The following MORN3 variants were observed in gnomAD, a reference collection of about 807,000 sequenced individuals.
MORN3 encodes MORN repeat containing 3, also known as MORN repeat-containing protein 3.
In MORN3, 38 loss-of-function variants were observed where a neutral mutation model predicts 34.7. The observed-to-expected ratio is 1.10, with a 90% CI of 0.85 to 1.44. The LOEUF (loss-of-function observed/expected upper bound fraction) is 1.44, where lower values mean the gene tolerates loss of function less well. Ranked by LOEUF, MORN3 falls within the 40% of genes most tolerant of loss-of-function variation. The pLI is 0.00. For missense variants in MORN3, 311 were observed against 321.7 expected, an observed-to-expected ratio of 0.97 and a Z score of 0.25; for synonymous variants, 109 against 115.3, an observed-to-expected ratio of 0.95 and a Z score of 0.35.
intron 5 of MORN3, among the ~76,000 whole-genome samples, chr12:121,652,449 G>T (rs1335803182): frequency 6.6e-6 from 1 of 152,040 alleles, no homozygotes; most frequent in African/African-American, 2.4e-5. Context: ...GGCCAGGCTG[G>T]TCTCAAATTC....
chr12:121,651,803 AG>A (rs1475075168), intron 5 of MORN3, among the ~76,000 whole-genome samples, 159 bp from the exon 6 acceptor site: 1 of 152,124 alleles, frequency 6.6e-6, no homozygotes, highest in African/African-American at 2.4e-5. Context: ...GCCTTACTCA[AG>A]GGTGTTCAGA....
chr12:121,652,755 C>G lies in MORN3; in HGVS notation c.702G>C (p.Arg234Ser). 1 of 1,614,230 alleles carries G rather than the reference C, an allele frequency of 6.2e-7. No individual in the cohort carries two copies. Among genetic ancestry groups the G allele is most frequent in the Non-Finnish European group, 8.5e-7 (1 of 1,180,036 alleles). Reference protein sequence around the residue: ...GVLAEALAMFRKTEEGD With the variant: ...GVLAEALAMFSKTEEGD ...GGCATCAATCTCCTTCCTCTGTCTT[C>G]CTGAACATGGCCAAGGCCTCCGCCA... The change falls in exon 5 of 6, where the codon AGG becomes AGC. Residue 234 changes from arginine (R) to serine (S), a missense_variant. Arg to Ser is a moderately radical substitution (Grantham distance 110). Transcript: ENST00000355329.
At chr12:121,655,026 C>T (rs147114892) in intron 2 of MORN3, among the ~76,000 whole-genome samples, 9 of 152,090 alleles carry the variant, frequency 5.9e-5, no homozygotes, top group African/African-American at 1.4e-4. Context: ...CCACACCATG[C>T]GCCATGCAGC....
At chr12:121,664,842 T>G (rs1334149921) in intron 1 of MORN3, among the ~76,000 whole-genome samples, 1 of 72,352 alleles carries the variant, frequency 1.4e-5, no homozygotes, top group Non-Finnish European at 2.6e-5. Flanking sequence ...AAACAACCTG[T>G]TTTTTTTTTT....
chr12:121,667,213 C>T (rs973020557), intron 1 of MORN3, among the ~76,000 whole-genome samples: 1 of 151,920 alleles, frequency 6.6e-6, no homozygotes, highest in African/African-American at 2.4e-5. Flanking sequence ...ATGCCTGTCT[C>T]GGCCTCCCAA....
At position 121,669,319 on chromosome 12, in the gene MORN3, C is replaced by T. The variant is rs1431783019; in HGVS notation, c.145+20G>A. 3 of 1,611,554 alleles carry T rather than the reference C, an allele frequency of 1.9e-6. No individual in the cohort carries two copies. The highest frequency in any genetic ancestry group is 2.5e-6 in the Non-Finnish European group (3 of 1,178,568). ...TGGCTCTGACCCCACTCCGGCCGCCCGTCCCGGAGTCCCACTCACCGTGTT... is the reference window on the plus strand; with the variant it reads ...TGGCTCTGACCCCACTCCGGCCGCCTGTCCCGGAGTCCCACTCACCGTGTT... On this transcript the variant is annotated intron_variant, in intron 1 of 5. Coordinates refer to ENST00000355329, the MANE Select transcript of MORN3 (RefSeq NM_173855.5).
chr12:121,655,567 TGA>T (rs1893391807), intron 2 of MORN3, among the ~76,000 whole-genome samples: 1 of 151,596 alleles, frequency 6.6e-6, no homozygotes, highest in African/African-American at 2.4e-5. Flanking sequence ...AAAAATTAGC[TGA>T]GTGTGGTGGT....
chr12:121,666,447 T>G (rs1291589304), intron 1 of MORN3, among the ~76,000 whole-genome samples: 1 of 152,010 alleles, frequency 6.6e-6, no homozygotes, highest in Non-Finnish European at 1.5e-5. Context: ...GAGGTTTCAG[T>G]GAGCCGAGAT....
chr12:121,661,329 T>G (rs1279744822), intron 1 of MORN3, among the ~76,000 whole-genome samples: 1 of 152,146 alleles, frequency 6.6e-6, no homozygotes, highest in Non-Finnish European at 1.5e-5. Flanking sequence ...GCTAAAGAGA[T>G]TCTCCCTTCT....
At chr12:121,664,841 G>GT (rs58324239) in intron 1 of MORN3, among the ~76,000 whole-genome samples, 1,341 of 69,196 alleles carry the variant, frequency 0.019, 26 homozygotes, top group African/African-American at 0.044. Flanking sequence ...AAAACAACCT[G>GT]TTTTTTTTTT....
At chr12:121,660,893 T>C (rs1893562183) in intron 1 of MORN3, among the ~76,000 whole-genome samples, 1 of 151,902 alleles carries the variant, frequency 6.6e-6, no homozygotes, top group Non-Finnish European at 1.5e-5. Context: ...GGTCTCGAAC[T>C]CCCGACCTTA....
intron 2 of MORN3, 132 bp downstream of exon 2, chr12:121,659,059 A>G: frequency 8.1e-7 from 1 of 1,227,396 alleles, no homozygotes; most frequent in Admixed American, 2.7e-5. Context: ...CGAGCAGCAC[A>G]ACCCTGTCCT....
At chr12:121,669,821 T>TA (rs1216826482), upstream of MORN3, among the ~76,000 whole-genome samples, 1 of 117,110 alleles carries the variant, frequency 8.5e-6, no homozygotes, top group African/African-American at 3.9e-5. Context: ...TACATATATA[T>TA]ATATATATAT....
chr12:121,659,374 T>G, intron 1 of MORN3, 26 bp from the exon 2 acceptor site: 2 of 1,608,878 alleles, frequency 1.2e-6, no homozygotes, highest in East Asian at 2.2e-5. Context: ...TGGGCAATGC[T>G]GCAGACATGG....
rs190325683 is a variant in MORN3 at position 121,662,444 on chromosome 12, C to T, written c.146-3096G>A. ...TTGCGCCACTGCACTCCAGCCTGGACGACAGAGCGAGACTGTCTCAAAACA... is the reference window on the plus strand; with the variant it reads ...TTGCGCCACTGCACTCCAGCCTGGATGACAGAGCGAGACTGTCTCAAAACA... On this transcript the variant is annotated intron_variant, in intron 1 of 5. Transcript: ENST00000355329. 4.7e-4 allele frequency among the ~76,000 whole-genome samples: 72 copies of T among 151,928 alleles called. 2 individuals are homozygous for T. The highest frequency in any genetic ancestry group is 3.9e-3 in the Admixed American group (59 of 15,222).
Position 121,659,283 on chromosome 12 carries a change from G to C in MORN3, c.211C>G (p.Arg71Gly). The change falls in exon 2 of 6, where the codon CGA (arginine) becomes GGA (glycine). Residue 71 changes from arginine to glycine, a missense_variant. Arg to Gly is a moderately radical substitution (Grantham distance 125). Transcript: ENST00000355329. ...IYEGDWKFGK[R>G]DGYGTLSLPD... The stretch of plus-strand genomic sequence containing the variant: ...AGGCTGAGGGTGCCGTAGCCGTCTC[G>C]CTTCCCAAACTTCCAGTCCCCCTCA... The C allele has an allele frequency of 6.2e-7, 1 of 1,613,930 alleles. No individual in the cohort carries two copies. The highest frequency in any genetic ancestry group is 1.3e-5 in the African/African-American group (1 of 74,970).
intron 2 of MORN3, among the ~76,000 whole-genome samples, chr12:121,657,749 C>G (rs781982076): frequency 2.6e-5 from 4 of 152,046 alleles, no homozygotes; most frequent in Non-Finnish European, 5.9e-5. Context: ...TGCCTGTAAT[C>G]CCAGCTACTC....
rs778702412 is a variant in MORN3 at position 121,669,331 on chromosome 12, C to T, written c.145+8G>A. On this transcript the variant is annotated splice_region_variant and intron_variant, in intron 1 of 5. Coordinates refer to ENST00000355329, the MANE Select transcript of MORN3 (RefSeq NM_173855.5). ...CACTCCGGCCGCCCGTCCCGGAGTC[C>T]CACTCACCGTGTTTCACGTTGTCCT... 1 of 1,612,962 alleles carries T rather than the reference C, an allele frequency of 6.2e-7. No homozygotes were observed. The highest frequency in any genetic ancestry group is 1.1e-5 in the South Asian group (1 of 91,066).
Position 121,652,557 on chromosome 12 carries a change from G to A in MORN3, c.*6+171C>T, listed in dbSNP as rs537276435. ...TCAAAAGGGGTTTTGAAGAGGAAGC[G>A]TCAAAAAGGACACCTGGGACTGTAG... On this transcript the variant is annotated intron_variant, in intron 5 of 5. Transcript: ENST00000355329. Among the ~76,000 whole-genome samples, 14 of 152,268 alleles carry A rather than the reference G, an allele frequency of 9.2e-5. No homozygotes were observed. In the South Asian group the frequency reaches 1.2e-3, roughly 14 times the overall value.
Sources: allele counts gnomAD v4.1 joint callset (sites outside exome capture counted in the v4.1 genomes callset), GRCh38; gene constraint gnomAD v4.1.1; transcripts MANE v1.5; gene names NCBI Gene and HGNC (gene_info 2026-07-23, HGNC 2026-07-21).